Variants in COL14A1 observed in about 807,000 individuals in gnomAD.
COL14A1 encodes collagen alpha-1(XIV) chain.
A neutral mutation model predicts 230.3 loss-of-function variants in COL14A1; 136 were observed. The observed-to-expected ratio is 0.59, with a 90% CI of 0.51 to 0.68. The LOEUF is 0.68. Among genes scored for constraint, COL14A1 ranks in the 30% least tolerant of loss-of-function variants. COL14A1 has a pLI of 0.00. For synonymous variants in COL14A1, 792 were observed against 784.1 expected (o/e 1.01, Z -0.17); for missense variants, 1,976 against 2,215.8 (o/e 0.89, Z 2.17).
intron 5 of COL14A1, among the ~76,000 whole-genome samples, chr8:120,196,428 G>A (rs1025295024): frequency 6.6e-6 from 1 of 152,052 alleles, no homozygotes; most frequent in Non-Finnish European, 1.5e-5. Flanking sequence ...TTCCCATCTC[G>A]GCTGACTGGC....
chr8:120,136,457 T>C (rs1177779591), intron 1 of COL14A1, among the ~76,000 whole-genome samples: 2 of 152,024 alleles, frequency 1.3e-5, no homozygotes, highest in African/African-American at 4.8e-5. Flanking sequence ...TTTTTCTCCC[T>C]GAGGGAAGAA....
intron 1 of COL14A1, among the ~76,000 whole-genome samples, chr8:120,126,911 T>C (rs988692763): frequency 2.6e-5 from 4 of 152,264 alleles, no homozygotes; most frequent in African/African-American, 9.6e-5. Context: ...AGAATAGTTT[T>C]GTTTGCTTGT....
chr8:120,197,019 C>T (rs904967230), intron 6 of COL14A1, 73 bp downstream of exon 6: 102 of 1,451,246 alleles, frequency 7.0e-5, no homozygotes, highest in Non-Finnish European at 9.2e-5. Flanking sequence ...TAAGAAATTT[C>T]AAAAATTCCT....
intron 18 of COL14A1, 148 bp downstream of exon 18, chr8:120,228,917 A>T (rs1293293819): frequency 1.5e-6 from 1 of 661,636 alleles, no homozygotes; most frequent in Non-Finnish European, 2.6e-6. Context: ...CACGCCTCTC[A>T]GAGCCTCTCA....
At chr8:120,166,875 AGTGTGT>A (rs4053270) in intron 4 of COL14A1, among the ~76,000 whole-genome samples, 1,799 of 117,048 alleles carry the variant, frequency 0.015, 17 homozygotes, top group Admixed American at 0.023. Context: ...AAAGAATTTA[AGTGTGT>A]GTGTGTGTGT....
At position 120,147,861 on chromosome 8, in the gene COL14A1, A is replaced by AT. The variant is rs1468913706; in HGVS notation, c.19_20insT (p.Lys7IlefsTer33). The AT allele has an allele frequency of 6.2e-7, 1 of 1,613,830 alleles. No homozygotes were observed. The highest frequency in any genetic ancestry group is 1.1e-5 in the South Asian group (1 of 91,012). On this transcript the variant is annotated frameshift_variant, in exon 2 of 48. Transcript: ENST00000297848. LOFTEE classifies it high-confidence loss of function. ...AAATAAAATGAAGATTTTCCAGCGC[A>AT]AGATGCGGTACTGGTTGCTTCCACC...
chr8:120,248,351 C>T (rs1818826895), intron 21 of COL14A1, among the ~76,000 whole-genome samples: 8 of 152,106 alleles, frequency 5.3e-5, no homozygotes, highest in Admixed American at 5.2e-4. Flanking sequence ...CGATCGTACC[C>T]TTGGTCTGTA....
intron 12 of COL14A1, among the ~76,000 whole-genome samples, chr8:120,211,448 A>G (rs1251468710): frequency 6.6e-6 from 1 of 152,232 alleles, no homozygotes; most frequent in Non-Finnish European, 1.5e-5. Context: ...AGGATCATAT[A>G]TTGTTTATAG....
At chr8:120,197,280 A>G (rs1435177047) in intron 6 of COL14A1, among the ~76,000 whole-genome samples, 1 of 152,168 alleles carries the variant, frequency 6.6e-6, no homozygotes, top group Non-Finnish European at 1.5e-5. Context: ...AAAATGTTGA[A>G]CTAGAAAATT....
At chr8:120,370,523 C>T (rs1342380954) in intron 47 of COL14A1, 1 of 1,482,988 alleles carries the variant, frequency 6.7e-7, no homozygotes, top group African/African-American at 1.4e-5. Flanking sequence ...CACTTTCAAA[C>T]CTCTTGCCCA....
At chr8:120,189,551 G>A (rs1469719003) in intron 5 of COL14A1, among the ~76,000 whole-genome samples, 2 of 151,344 alleles carry the variant, frequency 1.3e-5, no homozygotes, top group South Asian at 2.1e-4. Flanking sequence ...AGTTACATAT[G>A]TATACATGTG....
In COL14A1 at chr8:120,227,319, G is replaced by A. The variant is rs1414763861; in HGVS notation, c.2104G>A (p.Glu702Lys). 8.1e-6 allele frequency: 13 copies of A among 1,613,830 alleles called. No homozygotes were observed. Among genetic ancestry groups the A allele is most frequent in the Admixed American group, 6.7e-5 (4 of 59,982 alleles). Reference sequence around the variant, plus strand: ...ATTGGCCGTACTTGATGATGGAAGCGAGAGTGAGGTGGTGACTGCTGTCGG... The same window carrying A: ...ATTGGCCGTACTTGATGATGGAAGCAAGAGTGAGGTGGTGACTGCTGTCGG... ...SLLAVLDDGS[E>K]SEVVTAVGTT... The change falls in exon 17 of 48, where the codon GAG (glutamate) becomes AAG (lysine). Residue 702 changes from glutamate to lysine, a missense_variant. Physicochemically the swap from Glu to Lys is moderately conservative, Grantham distance 56. Transcript: ENST00000297848.
At chr8:120,163,103 C>G (rs548415592) in intron 4 of COL14A1, among the ~76,000 whole-genome samples, 1 of 152,296 alleles carries the variant, frequency 6.6e-6, no homozygotes, top group East Asian at 1.9e-4. Flanking sequence ...AGTCCAGGCT[C>G]TACTAAAACA....
At chr8:120,214,802 A>G (rs1329622407) in intron 13 of COL14A1, among the ~76,000 whole-genome samples, 1 of 152,162 alleles carries the variant, frequency 6.6e-6, no homozygotes, top group Non-Finnish European at 1.5e-5. Context: ...AGAAGGAGAC[A>G]GGTAGTATGG....
intron 22 of COL14A1, among the ~76,000 whole-genome samples, chr8:120,251,041 C>T (rs546143660): frequency 7.2e-5 from 11 of 152,150 alleles, no homozygotes; most frequent in Admixed American, 2.0e-4. Flanking sequence ...CTCTTGACCC[C>T]GTGATTCAAC....
At chr8:120,318,930 A>T (rs1821332510) in intron 40 of COL14A1, among the ~76,000 whole-genome samples, 1 of 152,092 alleles carries the variant, frequency 6.6e-6, no homozygotes. Flanking sequence ...GAAGTCACTT[A>T]ACGTTACTGT....
Position 120,243,895 on chromosome 8 carries a change from G to A in COL14A1, c.2366G>A (p.Ser789Asn), listed in dbSNP as rs1818684491. 6.2e-7 allele frequency: 1 copy of A among 1,613,326 alleles called. No homozygotes were observed. The highest frequency in any genetic ancestry group is 8.5e-7 in the Non-Finnish European group (1 of 1,179,530). ...EVIGTVMVPG[S>N]QNNLLLKPLL... ...TTTGTTCAGGTTATGGTGCCTGGAA[G>A]CCAGAACAACCTCCTTCTGAAGCCT... The change falls in exon 20 of 48, where the codon AGC becomes AAC. Residue 789 changes from serine (S) to asparagine (N), a missense_variant. This residue lies in a region of COL14A1 where 1,791 missense variants were observed against 2,019.5 expected (regional missense o/e 0.89). Coordinates refer to ENST00000297848, the MANE Select transcript of COL14A1 (RefSeq NM_021110.4).
At chr8:120,337,115 G>A (rs1009998613) in intron 42 of COL14A1, among the ~76,000 whole-genome samples, 1 of 152,180 alleles carries the variant, frequency 6.6e-6, no homozygotes, top group Non-Finnish European at 1.5e-5. Context: ...AGAAGGCTGG[G>A]TGGGGTGGCT....
chr8:120,187,149 C>G (rs1027988315), intron 5 of COL14A1, among the ~76,000 whole-genome samples: 4 of 152,152 alleles, frequency 2.6e-5, no homozygotes. Flanking sequence ...ATACCTTTAT[C>G]TAAAAATGCA....
Sources: allele counts gnomAD v4.1 joint callset (sites outside exome capture counted in the v4.1 genomes callset), GRCh38; gene constraint gnomAD v4.1.1; regional missense constraint gnomAD v4.1.1; transcripts MANE v1.5; gene names NCBI Gene and HGNC (gene_info 2026-07-23, HGNC 2026-07-21).